The following CSMD1 variants were observed in gnomAD, a reference collection of about 807,000 sequenced individuals.
The protein encoded by CSMD1 is CUB and sushi domain-containing protein 1.
A neutral mutation model predicts 417.5 loss-of-function variants in CSMD1; 213 were observed. The ratio of observed to expected loss-of-function variants is 0.51; its 90% CI spans 0.46 to 0.57. The LOEUF (loss-of-function observed/expected upper bound fraction) is 0.57. CSMD1 is among the 20% of genes least tolerant of loss of function. CSMD1 has a pLI of 0.00. For missense variants in CSMD1, 6,923 were observed against 4,529.7 expected (o/e 1.53, Z -15.17); for synonymous variants, 2,862 against 1,736.8 (o/e 1.65, Z -16.11).
In CSMD1 at chr8:3,838,748, T is replaced by C. The variant is rs1169960371; in HGVS notation, c.819-84706A>G. Among the ~76,000 whole-genome samples, 4 of 69,540 alleles carry C rather than the reference T, an allele frequency of 5.8e-5. 1 individual carries two copies. Among genetic ancestry groups the C allele is most frequent in the Admixed American group, 3.5e-4 (2 of 5,786 alleles). The allele number at this position is 69,540 out of a possible 152,430, so 45.6% of individuals were successfully genotyped here. A position where few individuals can be genotyped will look rare whatever the true frequency, so the allele number is the denominator to read the frequency against. Reference sequence around the variant, plus strand: ...AATTAATATTATATAGTATAATATATAATAAATATTATATAGTATAATATA... The same window carrying C: ...AATTAATATTATATAGTATAATATACAATAAATATTATATAGTATAATATA... On this transcript the variant is annotated intron_variant, in intron 5 of 69. Coordinates refer to ENST00000635120, the MANE Select transcript of CSMD1 (RefSeq NM_033225.6).
chr8:3,487,073 A>G (rs1818081040), intron 11 of CSMD1, among the ~76,000 whole-genome samples: 1 of 152,204 alleles, frequency 6.6e-6, no homozygotes, highest in Admixed American at 6.5e-5. Flanking sequence ...TCTACTAACC[A>G]GGCCAAGTAA....
intron 52 of CSMD1, among the ~76,000 whole-genome samples, chr8:3,001,955 T>C (rs1322618366): frequency 6.6e-6 from 1 of 152,190 alleles, no homozygotes; most frequent in Non-Finnish European, 1.5e-5. Context: ...AACATTGTGT[T>C]CTCCTATTTT....
intron 3 of CSMD1, among the ~76,000 whole-genome samples, chr8:4,364,427 CATTT>C (rs1303017186): frequency 1.3e-5 from 2 of 152,112 alleles, no homozygotes; most frequent in South Asian, 2.1e-4. Context: ...ATACAAGATT[CATTT>C]GTTTTTCATG....
chr8:4,120,324 T>A (rs1802411528), intron 3 of CSMD1, among the ~76,000 whole-genome samples: 1 of 152,182 alleles, frequency 6.6e-6, no homozygotes, highest in Non-Finnish European at 1.5e-5. Flanking sequence ...ATTTTATTGA[T>A]TACTTAGCTA....
intron 5 of CSMD1, among the ~76,000 whole-genome samples, chr8:3,920,352 T>C (rs982680913): frequency 3.3e-5 from 5 of 151,674 alleles, no homozygotes; most frequent in Non-Finnish European, 5.9e-5. Context: ...CTAAGATGCG[T>C]GTGTGTTTGT....
chr8:3,114,891 C>T (rs976995658), intron 42 of CSMD1, among the ~76,000 whole-genome samples: 128 of 152,046 alleles, frequency 8.4e-4, no homozygotes, highest in African/African-American at 2.9e-3. Flanking sequence ...TTCAAAGAAG[C>T]TGTTAACATA....
intron 5 of CSMD1, among the ~76,000 whole-genome samples, chr8:3,996,550 G>A (rs1378775573): frequency 6.6e-6 from 1 of 151,914 alleles, no homozygotes; most frequent in Non-Finnish European, 1.5e-5. Flanking sequence ...CCACCTCTCG[G>A]CTCAGCTTTT....
chr8:3,734,270 C>G (rs1796413519), intron 6 of CSMD1, among the ~76,000 whole-genome samples: 1 of 152,162 alleles, frequency 6.6e-6, no homozygotes, highest in Admixed American at 6.5e-5. Context: ...GTTTCATCTC[C>G]CAGTGTCTCC....
At chr8:4,561,700 A>G (rs1055544550) in intron 2 of CSMD1, among the ~76,000 whole-genome samples, 17 of 152,318 alleles carry the variant, frequency 1.1e-4, no homozygotes, top group African/African-American at 4.1e-4. Flanking sequence ...AAAAAGAGAG[A>G]CAGAGAGAAA....
At chr8:3,349,458 G>C (rs1252546497) in intron 21 of CSMD1, among the ~76,000 whole-genome samples, 1 of 151,986 alleles carries the variant, frequency 6.6e-6, no homozygotes, top group Non-Finnish European at 1.5e-5. Flanking sequence ...TCAGAGAGGA[G>C]AACGCTTGAC....
intron 18 of CSMD1, among the ~76,000 whole-genome samples, chr8:3,376,781 A>G (rs1479968277): frequency 8.3e-6 from 1 of 120,754 alleles, no homozygotes; most frequent in Non-Finnish European, 1.8e-5. Flanking sequence ...GTTGATATAC[A>G]ATATTATAAT....
In CSMD1 at chr8:4,140,152, C is replaced by T. The variant is rs114985993; in HGVS notation, c.416-108053G>A. ...AGGATTCCTTGAGCCCAGGGGTTTG[C>T]GACCAGCCTGAGCAACATAGCAAAA... is the stretch of plus-strand genomic sequence containing the variant. On this transcript the variant is annotated intron_variant, in intron 3 of 69. Transcript: ENST00000635120. Among the ~76,000 whole-genome samples the T allele has an allele frequency of 7.1e-4, 107 of 150,800 alleles. 4 individuals carry two copies. The highest frequency in any genetic ancestry group is 2.0e-3 in the African/African-American group (80 of 40,258).
chr8:4,808,412 A>G (rs1408022692), intron 1 of CSMD1, among the ~76,000 whole-genome samples: 2 of 152,204 alleles, frequency 1.3e-5, no homozygotes, highest in African/African-American at 4.8e-5. Flanking sequence ...TTCAAAGGAA[A>G]AAGACGGAAA....
chr8:3,816,342 G>C lies in CSMD1; in HGVS notation c.819-62300C>G, dbSNP rs574084396. ...TTTCAGCTACCCACAGTCAACCACTGTCAGAAAATAAGTGAGCACAGCAGG... is the reference window on the plus strand; with the variant it reads ...TTTCAGCTACCCACAGTCAACCACTCTCAGAAAATAAGTGAGCACAGCAGG... On this transcript the variant is annotated intron_variant, in intron 5 of 69. Coordinates refer to ENST00000635120, the MANE Select transcript of CSMD1 (RefSeq NM_033225.6). 1.8e-3 allele frequency among the ~76,000 whole-genome samples: 276 copies of C among 152,254 alleles called. 1 individual carries two copies. In the East Asian group the frequency reaches 0.018, roughly 10 times the overall value.
chr8:3,893,284 T>G (rs796100395), intron 5 of CSMD1, among the ~76,000 whole-genome samples: 6 of 146,452 alleles, frequency 4.1e-5, no homozygotes, highest in African/African-American at 1.5e-4. Context: ...AAGTAATTTG[T>G]GATTTCTTAT....
At chr8:3,992,896 CA>C (rs1216586643) in intron 5 of CSMD1, among the ~76,000 whole-genome samples, 1 of 152,204 alleles carries the variant, frequency 6.6e-6, no homozygotes, top group East Asian at 1.9e-4. Context: ...ACTGCTTTTC[CA>C]AAGCCATTTT....
intron 2 of CSMD1, among the ~76,000 whole-genome samples, chr8:4,598,980 A>T (rs1800429126): frequency 6.6e-6 from 1 of 152,228 alleles, no homozygotes; most frequent in African/African-American, 2.4e-5. Context: ...GTCTTCCAAG[A>T]AAGTTACGTG....
At chr8:3,954,752 A>T (rs567448033) in intron 5 of CSMD1, among the ~76,000 whole-genome samples, 8 of 151,718 alleles carry the variant, frequency 5.3e-5, no homozygotes, top group Non-Finnish European at 8.9e-5. Context: ...CTTGCCCCTC[A>T]GAACTGAGCA....
intron 3 of CSMD1, among the ~76,000 whole-genome samples, chr8:4,194,530 CTATTTT>C (rs1415459119): frequency 2.3e-4 from 35 of 152,152 alleles, no homozygotes; most frequent in Non-Finnish European, 5.9e-5. Context: ...ATCTCAACAA[CTATTTT>C]TATTATAATG....
Sources: gnomAD v4.1 joint callset for allele counts (sites outside exome capture counted in the v4.1 genomes callset) on GRCh38, gnomAD v4.1.1 for gene constraint, MANE v1.5 for transcripts, NCBI Gene and HGNC (gene_info 2026-07-23, HGNC 2026-07-21) for gene names.